Variants in AIG1 observed in about 807,000 individuals in gnomAD.
The protein encoded by AIG1 is androgen-induced gene 1 protein.
In AIG1, 23 loss-of-function variants were observed where a neutral mutation model predicts 31.4. That is an observed-to-expected ratio of 0.73 (90% CI 0.53 to 1.04). The LOEUF (loss-of-function observed/expected upper bound fraction) is 1.04, where lower values mean the gene tolerates loss of function less well. Ranked by LOEUF, AIG1 falls within the 50% of genes least tolerant of loss-of-function variation. AIG1 has a pLI of 0.00. For missense variants in AIG1, 274 were observed against 295.0 expected (o/e 0.93, Z 0.52); for synonymous variants, 100 against 110.5 (o/e 0.90, Z 0.60).
intron 1 of AIG1, among the ~76,000 whole-genome samples, chr6:143,079,904 G>A (rs761995810): frequency 6.6e-6 from 1 of 150,934 alleles, no homozygotes; most frequent in Non-Finnish European, 1.5e-5. Flanking sequence ...TTTATATCCC[G>A]ATCATTATCC....
At chr6:143,085,678 T>G (rs1375729167) in intron 1 of AIG1, among the ~76,000 whole-genome samples, 4 of 152,228 alleles carry the variant, frequency 2.6e-5, no homozygotes, top group Non-Finnish European at 4.4e-5. Flanking sequence ...CGTAAGTACT[T>G]TGAGGCTTGG....
At chr6:143,132,542 G>A (rs1299400808) in intron 1 of AIG1, among the ~76,000 whole-genome samples, 5 of 151,938 alleles carry the variant, frequency 3.3e-5, no homozygotes, top group Admixed American at 3.3e-4. Context: ...GATTACACTG[G>A]GGATTGATAC....
intron 1 of AIG1, among the ~76,000 whole-genome samples, chr6:143,092,210 T>C (rs1405188559): frequency 6.6e-6 from 1 of 151,886 alleles, no homozygotes; most frequent in East Asian, 1.9e-4. Context: ...GCTCAAGAGA[T>C]CCTCCTGCCT....
intron 1 of AIG1, among the ~76,000 whole-genome samples, chr6:143,134,829 A>G (rs1783590022): frequency 6.6e-6 from 1 of 152,142 alleles, no homozygotes. Context: ...ACATTTTATC[A>G]TAAAACAGGC....
chr6:143,182,584 C>G (rs528017961), intron 3 of AIG1, among the ~76,000 whole-genome samples: 1 of 152,188 alleles, frequency 6.6e-6, no homozygotes, highest in Non-Finnish European at 1.5e-5. Context: ...ATACTCCCCA[C>G]TCACTGAAAT....
At chr6:143,115,554 A>G (rs1477222803) in intron 1 of AIG1, among the ~76,000 whole-genome samples, 3 of 152,218 alleles carry the variant, frequency 2.0e-5, no homozygotes, top group Non-Finnish European at 4.4e-5. Context: ...TGTTTCTTAT[A>G]TTGACTGATA....
chr6:143,081,647 A>C (rs1778266970), intron 1 of AIG1, among the ~76,000 whole-genome samples: 1 of 152,068 alleles, frequency 6.6e-6, no homozygotes, highest in South Asian at 2.1e-4. Context: ...TGGTCCAGTA[A>C]ATAATGATTT....
intron 3 of AIG1, among the ~76,000 whole-genome samples, chr6:143,224,989 A>G (rs1054548115): frequency 3.3e-5 from 5 of 152,196 alleles, no homozygotes; most frequent in Non-Finnish European, 2.9e-5. Flanking sequence ...TTAAAACTCT[A>G]CAGCATGGTA....
chr6:143,284,239 C>T lies in AIG1; in HGVS notation c.515+14C>T, dbSNP rs750340072. 4 of 1,573,370 alleles carry T rather than the reference C, an allele frequency of 2.5e-6. No individual in the cohort carries two copies. In the African/African-American group the frequency reaches 5.4e-5, roughly 21 times the overall value. The stretch of plus-strand genomic sequence containing the variant: ...CTATATATTATGGTAAGGACCATGC[C>T]TGCTGGGCTTTCTTATTGTATTAGA... On this transcript the variant is annotated intron_variant, in intron 4 of 5. Transcript: ENST00000357847. This position sits in a 1 kb window ranked among gnomAD's most constrained non-coding sequence, Gnocchi z 4.4.
At chr6:143,178,397 G>A (rs1011022458) in intron 3 of AIG1, among the ~76,000 whole-genome samples, 4 of 152,174 alleles carry the variant, frequency 2.6e-5, no homozygotes, top group African/African-American at 9.7e-5. Context: ...GACCCAGCTT[G>A]ATTTCCTCTA....
At chr6:143,282,584 A>T (rs1797410089) in intron 3 of AIG1, among the ~76,000 whole-genome samples, 2 of 152,228 alleles carry the variant, frequency 1.3e-5, no homozygotes, top group Non-Finnish European at 2.9e-5. Context: ...AATAGTAATA[A>T]AGAAGATAAA....
intron 1 of AIG1, chr6:143,061,606 TC>T (rs1235980259): frequency 3.2e-5 from 9 of 285,592 alleles, no homozygotes; most frequent in Non-Finnish European, 5.6e-5. Flanking sequence ...TCTGTTTTTT[TC>T]CCCCATTGTC....
chr6:143,143,940 AT>A (rs1368076684), intron 2 of AIG1, among the ~76,000 whole-genome samples: 1 of 152,190 alleles, frequency 6.6e-6, no homozygotes, highest in Admixed American at 6.5e-5. Context: ...TCTTACAATT[AT>A]TTTTTAATAG....
At chr6:143,301,732 G>T (rs1422102443) in intron 4 of AIG1, among the ~76,000 whole-genome samples, 3 of 152,128 alleles carry the variant, frequency 2.0e-5, no homozygotes, top group African/African-American at 7.2e-5. Context: ...ATCTTTACAT[G>T]GTCCCTCCCT....
intron 4 of AIG1, among the ~76,000 whole-genome samples, chr6:143,314,948 G>GA (rs1775616101): frequency 6.6e-6 from 1 of 151,936 alleles, no homozygotes; most frequent in African/African-American, 2.4e-5. Flanking sequence ...ATCTATTTTG[G>GA]AAAAACTGGA....
intron 3 of AIG1, among the ~76,000 whole-genome samples, chr6:143,265,840 A>G (rs997017963): frequency 2.0e-5 from 3 of 152,166 alleles, no homozygotes; most frequent in Admixed American, 6.6e-5. Flanking sequence ...CCCTCATTCC[A>G]TAAACATGCA....
At chr6:143,098,716 CTCTA>C (rs1780004283) in intron 1 of AIG1, among the ~76,000 whole-genome samples, 2 of 152,202 alleles carry the variant, frequency 1.3e-5, no homozygotes, top group African/African-American at 2.4e-5. Context: ...CTCCCTTATT[CTCTA>C]TCTAAATAAA....
chr6:143,249,850 C>T (rs116867114), intron 3 of AIG1, among the ~76,000 whole-genome samples: 5 of 152,280 alleles, frequency 3.3e-5, no homozygotes, highest in Non-Finnish European at 7.3e-5. Context: ...GTATTATGCA[C>T]CTCCATTGGG....
chr6:143,187,628 G>A (rs1444996121), intron 3 of AIG1: 9 of 1,536,106 alleles, frequency 5.9e-6, no homozygotes, highest in Non-Finnish European at 7.8e-6. Context: ...TCTTTCTGCA[G>A]CATTTCAAAG....
Sources: gnomAD v4.1 joint callset for allele counts (sites outside exome capture counted in the v4.1 genomes callset) on GRCh38, gnomAD v4.1.1 for gene constraint, Gnocchi (gnomAD v3.1) non-coding constraint, MANE v1.5 for transcripts, NCBI Gene and HGNC (gene_info 2026-07-23, HGNC 2026-07-21) for gene names.